Variants in CCDC148 observed in about 807,000 individuals in gnomAD.
CCDC148 encodes coiled-coil domain containing 148.
A neutral mutation model predicts 85.7 loss-of-function variants in CCDC148; 89 were observed. The ratio of observed to expected loss-of-function variants is 1.04; its 90% CI spans 0.87 to 1.24. The LOEUF is 1.24. CCDC148 is among the 50% of genes most tolerant of loss of function. The probability of loss-of-function intolerance (pLI) is 0.00; values close to 1 mark genes in which losing one functional copy is unlikely to be tolerated. For synonymous variants in CCDC148, 230 were observed against 213.9 expected (o/e 1.08, Z -0.66); for missense variants, 692 against 671.7 (o/e 1.03, Z -0.33).
chr2:158,244,432 C>T (rs1413167770), intron 10 of CCDC148, among the ~76,000 whole-genome samples: 1 of 152,054 alleles, frequency 6.6e-6, no homozygotes, highest in African/African-American at 2.4e-5. Flanking sequence ...TGAGTTCTCA[C>T]CTGGAGAAAA....
intron 1 of CCDC148, chr2:158,393,117 T>A (rs1020563446): frequency 6.6e-6 from 1 of 152,116 alleles, no homozygotes; most frequent in African/African-American, 2.4e-5. Flanking sequence ...AACTATAACA[T>A]TTCATAATAT....
chr2:158,389,366 G>A (rs1293929064), intron 1 of CCDC148, among the ~76,000 whole-genome samples: 1 of 152,012 alleles, frequency 6.6e-6, no homozygotes, highest in Non-Finnish European at 1.5e-5. Flanking sequence ...GAATGAAAAA[G>A]AAACAAAACA....
At position 158,268,038 on chromosome 2, in the gene CCDC148, A is replaced by G. The variant is rs768211455; in HGVS notation, c.1111-17126T>C. On this transcript the variant is annotated intron_variant, in intron 9 of 13. Transcript: ENST00000283233. ...TTGTTTCCAGTTTTTGATGATCACA[A>G]ATTAAGCTGCTACACACATTCATGT... Among the ~76,000 whole-genome samples the G allele has an allele frequency of 3.3e-5, 5 of 152,202 alleles. 1 individual carries two copies. The highest frequency in any genetic ancestry group is 7.3e-5 in the Non-Finnish European group (5 of 68,038).
chr2:158,174,010 T>C (rs1684448498), intron 13 of CCDC148, among the ~76,000 whole-genome samples: 1 of 152,054 alleles, frequency 6.6e-6, no homozygotes, highest in African/African-American at 2.4e-5. Context: ...ATGTACTAGA[T>C]ATTTTTACCC....
rs746007716 is a variant in CCDC148 at position 158,338,730 on chromosome 2, A to G, written c.760T>C (p.Tyr254His). The G allele has an allele frequency of 5.0e-6, 8 of 1,602,632 alleles. No individual in the cohort carries two copies. The South Asian group carries it at 9.0e-5, about 18-fold the overall frequency. ...QDFNLQLEDI[Y>H]RNCQLSEEDH... is the part of the protein sequence containing the mutation. ...GACTCAGTTTTATCTTATCACCTGTATATGTCTTCCAACTGCAGATTAAAG... is the reference window on the plus strand; with the variant it reads ...GACTCAGTTTTATCTTATCACCTGTGTATGTCTTCCAACTGCAGATTAAAG... The change falls in exon 7 of 14, where the codon TAC (tyrosine) becomes CAC (histidine). Residue 254 changes from tyrosine (Y) to histidine (H), a missense_variant. Coordinates refer to ENST00000283233, the MANE Select transcript of CCDC148 (RefSeq NM_138803.4).
intron 1 of CCDC148, among the ~76,000 whole-genome samples, chr2:158,445,756 GT>G (rs1404641640): frequency 6.6e-6 from 1 of 151,802 alleles, no homozygotes; most frequent in Admixed American, 6.6e-5. Flanking sequence ...GTGTAATCTT[GT>G]TCTAAATTAT....
chr2:158,186,024 G>C (rs1685137725), intron 11 of CCDC148, among the ~76,000 whole-genome samples: 1 of 152,026 alleles, frequency 6.6e-6, no homozygotes. Context: ...GAAAACCAGT[G>C]CTTCCCAGGT....
At chr2:158,272,747 C>T (rs1389549919) in intron 9 of CCDC148, among the ~76,000 whole-genome samples, 2 of 152,174 alleles carry the variant, frequency 1.3e-5, no homozygotes, top group Non-Finnish European at 2.9e-5. Context: ...GGTCTTGAGT[C>T]AAGCATACCA....
At chr2:158,356,658 T>C in intron 2 of CCDC148, among the ~76,000 whole-genome samples, 1 of 146,616 alleles carries the variant, frequency 6.8e-6, no homozygotes, top group Non-Finnish European at 1.5e-5. Context: ...TCAACCATTG[T>C]GGAAGTCAGT....
intron 2 of CCDC148, among the ~76,000 whole-genome samples, chr2:158,354,857 G>C (rs1208505468): frequency 6.6e-6 from 1 of 151,326 alleles, no homozygotes; most frequent in Non-Finnish European, 1.5e-5. Context: ...GAATCCAGCA[G>C]CACATCAAAA....
chr2:158,289,266 T>C (rs2105185559), intron 9 of CCDC148, among the ~76,000 whole-genome samples: 1 of 152,296 alleles, frequency 6.6e-6, no homozygotes, highest in South Asian at 2.1e-4. Flanking sequence ...TGAAAGATAC[T>C]ATTAAGAGAA....
At chr2:158,371,671 C>CAT (rs60128846) in intron 1 of CCDC148, among the ~76,000 whole-genome samples, 11,118 of 149,322 alleles carry the variant, frequency 0.074, 558 homozygotes, top group East Asian at 0.16. Flanking sequence ...TGTTCATATA[C>CAT]ATATATATAT....
At chr2:158,369,098 GA>G (rs1684323064) in intron 1 of CCDC148, among the ~76,000 whole-genome samples, 1 of 152,042 alleles carries the variant, frequency 6.6e-6, no homozygotes, top group Non-Finnish European at 1.5e-5. Flanking sequence ...TCTGCCAGGC[GA>G]AATGATGTTA....
chr2:158,399,065 G>T (rs1276335648), intron 1 of CCDC148, among the ~76,000 whole-genome samples: 1 of 152,102 alleles, frequency 6.6e-6, no homozygotes, highest in Non-Finnish European at 1.5e-5. Flanking sequence ...ACCCTCCTAA[G>T]ACTAAACCTG....
rs561381788 is a variant in CCDC148 at position 158,283,856 on chromosome 2, GC to G, written c.1110+25576del. 3.8e-4 allele frequency among the ~76,000 whole-genome samples: 53 copies of G among 141,156 alleles called. No homozygotes were observed. The South Asian group carries it at 0.011, about 30-fold the overall frequency. 92.6% of individuals were successfully genotyped at this position (141,156 alleles called of 152,430 possible). On this transcript the variant is annotated intron_variant, in intron 9 of 13. Coordinates refer to ENST00000283233, the MANE Select transcript of CCDC148 (RefSeq NM_138803.4). ...GTTTATTGTGGCACTATTGACAATAGCAAAGACTTGGAACCAACCAAAATGT... is the reference window on the plus strand; with the variant it reads ...GTTTATTGTGGCACTATTGACAATAGAAAGACTTGGAACCAACCAAAATGT...
intron 11 of CCDC148, among the ~76,000 whole-genome samples, chr2:158,200,041 T>C (rs916279666): frequency 6.6e-6 from 1 of 152,182 alleles, no homozygotes; most frequent in African/African-American, 2.4e-5. Flanking sequence ...ATCATTGTGA[T>C]GGCAGGGACA....
At chr2:158,267,992 A>G (rs1012762094) in intron 9 of CCDC148, among the ~76,000 whole-genome samples, 1 of 152,186 alleles carries the variant, frequency 6.6e-6, no homozygotes, top group Non-Finnish European at 1.5e-5. Flanking sequence ...TTATACATTC[A>G]TTAGTTGTAG....
At chr2:158,409,547 A>G (rs977416634) in intron 1 of CCDC148, among the ~76,000 whole-genome samples, 9 of 152,160 alleles carry the variant, frequency 5.9e-5, no homozygotes, top group African/African-American at 2.2e-4. Flanking sequence ...TATTTATCCA[A>G]TGCTTGTACC....
chr2:158,358,875 T>C (rs1200764900), intron 1 of CCDC148, among the ~76,000 whole-genome samples: 1 of 152,112 alleles, frequency 6.6e-6, no homozygotes, highest in Non-Finnish European at 1.5e-5. Context: ...CTACAAAGTA[T>C]GACGACTGTT....
Sources: gnomAD v4.1 joint callset for allele counts (sites outside exome capture counted in the v4.1 genomes callset) on GRCh38, gnomAD v4.1.1 for gene constraint, MANE v1.5 for transcripts, NCBI Gene and HGNC (gene_info 2026-07-23, HGNC 2026-07-21) for gene names.